The following CCR3 variants were observed in gnomAD, a reference collection of about 807,000 sequenced individuals.
CCR3 encodes the protein C-C motif chemokine receptor 3.
For synonymous variants in CCR3, 203 were observed against 179.2 expected (o/e 1.13, Z -1.06); for missense variants, 419 against 437.5 (o/e 0.96, Z 0.38).
At position 46,227,611 on chromosome 3, in the gene CCR3, C is replaced by G. The variant is rs1341570807; in HGVS notation, c.-67-14791C>G. On this transcript the variant is annotated intron_variant, in intron 2 of 3. Transcript: ENST00000357422. ...ATTTTCTGGTTTCTTGAGGAAAGAA[C>G]TTGGATTATTGATGCGAGACTGTTC... Among the ~76,000 whole-genome samples the G allele has an allele frequency of 1.3e-5, 2 of 152,222 alleles. 1 individual carries two copies. Among genetic ancestry groups the G allele is most frequent in the South Asian group, 4.1e-4 (2 of 4,824 alleles).
At position 46,265,180 on chromosome 3, in the gene CCR3, G is replaced by A. The variant is rs1700593945; in HGVS notation, c.22G>A (p.Val8Ile). Residue 8 changes from valine to isoleucine, a missense_variant, in exon 2 of 2, where the codon GTT (valine) becomes ATT (isoleucine). By Grantham distance (29) the Val-to-Ile change is conservative (BLOSUM62 3). Coordinates refer to ENST00000395940, the MANE Select transcript of CCR3 (RefSeq NM_178329.3). The stretch of plus-strand genomic sequence containing the variant: ...TGAAATGACAACCTCACTAGATACA[G>A]TTGAGACCTTTGGTACCACATCCTA... MTTSLDT[V>I]ETFGTTSYYD... The A allele has an allele frequency of 6.2e-7, 1 of 1,613,324 alleles. No homozygotes were observed. The highest frequency in any genetic ancestry group is 8.5e-7 in the Non-Finnish European group (1 of 1,179,428).
chr3:46,219,019 G>T (rs1699805413), intron 2 of CCR3, among the ~76,000 whole-genome samples: 1 of 152,110 alleles, frequency 6.6e-6, no homozygotes, highest in Non-Finnish European at 1.5e-5. Flanking sequence ...ATCCAAATTA[G>T]TAATGAAGAA....
rs368253693 is a variant in CCR3 at position 46,265,193 on chromosome 3, G to A, written c.35G>A (p.Gly12Asp). ...TCACTAGATACAGTTGAGACCTTTG[G>A]TACCACATCCTACTATGATGACGTG... ...TTSLDTVETF[G>D]TTSYYDDVGL... The change falls in exon 2 of 2, where the codon GGT (glycine) becomes GAT (aspartate). Residue 12 changes from glycine (G) to aspartate (D), a missense_variant. Transcript: ENST00000395940. The A allele has an allele frequency of 4.7e-5, 76 of 1,613,694 alleles. No homozygotes were observed. The highest frequency in any genetic ancestry group is 3.0e-4 in the South Asian group (27 of 91,072).
intron 2 of CCR3, among the ~76,000 whole-genome samples, chr3:46,229,415 A>G (rs768365643): frequency 2.0e-5 from 3 of 152,188 alleles, no homozygotes; most frequent in Non-Finnish European, 4.4e-5. Flanking sequence ...ACAAATATAG[A>G]AATTGGTACC....
chr3:46,254,641 C>T (rs1391738845), intron 1 of CCR3, among the ~76,000 whole-genome samples: 1 of 150,512 alleles, frequency 6.6e-6, no homozygotes, highest in Admixed American at 6.7e-5. Context: ...ACTCCCCTCC[C>T]ATCCTTTCCC....
At chr3:46,264,197 G>T in intron 1 of CCR3, 1 of 542,276 alleles carries the variant, frequency 1.8e-6, no homozygotes, top group East Asian at 3.6e-5. Flanking sequence ...GACCCCTCCT[G>T]CTTACCCCTT....
chr3:46,247,093 G>A, intron 1 of CCR3, among the ~76,000 whole-genome samples: 1 of 152,166 alleles, frequency 6.6e-6, no homozygotes, highest in Non-Finnish European at 1.5e-5. Context: ...TGCCTAAGGA[G>A]ATTCAGCATA....
chr3:46,264,283 A>G, intron 1 of CCR3: 1 of 814,380 alleles, frequency 1.2e-6, no homozygotes, highest in Non-Finnish European at 2.0e-6. Flanking sequence ...GGGCAAGAAA[A>G]GGAAAGTAAC....
At chr3:46,245,926 C>G (rs1285426537) in intron 1 of CCR3, among the ~76,000 whole-genome samples, 3 of 152,166 alleles carry the variant, frequency 2.0e-5, no homozygotes, top group Admixed American at 2.0e-4. Context: ...ATATGTACCA[C>G]ATTTTCTTTA....
chr3:46,229,444 A>G (rs879417096), intron 2 of CCR3, among the ~76,000 whole-genome samples: 7 of 152,192 alleles, frequency 4.6e-5, no homozygotes, highest in Non-Finnish European at 1.0e-4. Context: ...GGATGCTGAC[A>G]TACAAAAACC....
intron 2 of CCR3, among the ~76,000 whole-genome samples, chr3:46,223,104 A>G (rs1227838955): frequency 6.6e-6 from 1 of 152,212 alleles, no homozygotes; most frequent in Non-Finnish European, 1.5e-5. Context: ...CTGTAATCCT[A>G]ACACTTTGGG....
At chr3:46,237,481 ATTTG>A (rs1260719166), upstream of CCR3, among the ~76,000 whole-genome samples, 2 of 152,156 alleles carry the variant, frequency 1.3e-5, no homozygotes, top group Non-Finnish European at 2.9e-5. Context: ...TTGCCTGTGC[ATTTG>A]AAGTGTTAGC....
intron 1 of CCR3, among the ~76,000 whole-genome samples, chr3:46,254,928 T>C (rs576302606): frequency 5.3e-5 from 8 of 152,316 alleles, no homozygotes; most frequent in East Asian, 1.9e-4. Flanking sequence ...AGGAGTAGGA[T>C]TGATGGATCA....
In CCR3 at chr3:46,212,985, G is replaced by A. The variant is rs149903196; in HGVS notation, c.-68+2078G>A. 2.6e-3 allele frequency among the ~76,000 whole-genome samples: 391 copies of A among 152,248 alleles called. 1 individual carries two copies. Among genetic ancestry groups the A allele is most frequent in the African/African-American group, 8.7e-3 (363 of 41,544 alleles). On this transcript the variant is annotated intron_variant, in intron 2 of 3. Transcript: ENST00000357422. ...GGTACTTTTGACAGCAAATAACAAA[G>A]CAATGGACTCAAAATAGCTCAAAAA...
intron 2 of CCR3, among the ~76,000 whole-genome samples, chr3:46,230,805 T>C (rs1478794140): frequency 1.3e-5 from 2 of 152,170 alleles, no homozygotes; most frequent in African/African-American, 2.4e-5. Flanking sequence ...CGAGGCACTT[T>C]TCCTCCACCC....
At position 46,266,181 on chromosome 3, in the gene CCR3, T is replaced by A. The variant is rs1700630942; in HGVS notation, c.1023T>A (p.Ser341=). ...LPSEKLERTS[S]VSPSTAEPEL... ...GTGAGAAGCTGGAAAGAACCAGCTC[T>A]GTCTCTCCATCCACAGCAGAGCCGG... is the stretch of plus-strand genomic sequence containing the variant. The change falls in exon 2 of 2, where the codon TCT becomes TCA. Residue 341 remains serine, a synonymous_variant. Coordinates refer to ENST00000395940, the MANE Select transcript of CCR3 (RefSeq NM_178329.3). The A allele has an allele frequency of 6.2e-7, 1 of 1,613,902 alleles. No homozygotes were observed. The highest frequency in any genetic ancestry group is 8.5e-7 in the Non-Finnish European group (1 of 1,179,906).
intron 2 of CCR3, among the ~76,000 whole-genome samples, chr3:46,235,936 T>C (rs2125925852): frequency 6.6e-6 from 1 of 152,384 alleles, no homozygotes; most frequent in Non-Finnish European, 1.5e-5. Flanking sequence ...CAGGACATTA[T>C]TTTTGTTCAT....
At chr3:46,223,516 A>G (rs1481204413) in intron 2 of CCR3, among the ~76,000 whole-genome samples, 1 of 152,158 alleles carries the variant, frequency 6.6e-6, no homozygotes, top group Non-Finnish European at 1.5e-5. Flanking sequence ...CACAGTACCC[A>G]GCACTGAGAT....
At chr3:46,219,088 C>T (rs1699806381) in intron 2 of CCR3, among the ~76,000 whole-genome samples, 1 of 152,110 alleles carries the variant, frequency 6.6e-6, no homozygotes, top group African/African-American at 2.4e-5. Flanking sequence ...TCTAAAGACT[C>T]ATCCAAAAAG....
Sources: gnomAD v4.1 joint callset for allele counts (sites outside exome capture counted in the v4.1 genomes callset) on GRCh38, gnomAD v4.1.1 for gene constraint, MANE v1.5 for transcripts, NCBI Gene and HGNC (gene_info 2026-07-23, HGNC 2026-07-21) for gene names.